NME3: variants seen among roughly 807,000 people sequenced by gnomAD.
NME3 encodes NME/NM23 nucleoside diphosphate kinase 3, also known as nucleoside diphosphate kinase C.
NME3 carries 23 observed loss-of-function variants against 15.8 expected under a neutral mutation model. That is an observed-to-expected ratio of 1.45 (90% confidence interval 1.05 to 2.06). NME3 has a LOEUF of 2.06. Ranked by LOEUF, NME3 falls within the 30% of genes most tolerant of loss-of-function variation. The probability of loss-of-function intolerance (pLI) is 0.00; values close to 1 mark genes in which losing one functional copy is unlikely to be tolerated. For missense variants in NME3, 354 were observed against 243.2 expected, an observed-to-expected ratio of 1.46 and a Z score of -3.03; for synonymous variants, 157 against 104.4, an observed-to-expected ratio of 1.50 and a Z score of -3.07.
At chr16:1,771,223 A>G in intron 2 of NME3, 52 bp from the exon 3 acceptor site, 2 of 1,562,754 alleles carry the variant, frequency 1.3e-6, no homozygotes, top group Non-Finnish European at 1.7e-6. Context: ...AGGCGTCCCC[A>G]GGTCCCCGCT....
rs1001188624 is a variant in NME3 at position 1,770,889 on chromosome 16, C to T, written c.384G>A (p.Glu128=). ...PGTIRGDFCI[E]VGKNLIHGSD... ...CCCGGGGCGGGCCTTACTTGCCAAC[C>T]TCGATGCAGAAATCCCCGCGGATGG... Residue 128 remains glutamate (E), a synonymous_variant, in exon 4 of 5, where the codon GAG becomes GAA. Coordinates refer to ENST00000219302, the MANE Select transcript of NME3 (RefSeq NM_002513.3). 6.3e-7 allele frequency: 1 copy of T among 1,577,280 alleles called. No homozygotes were observed. Among genetic ancestry groups the T allele is most frequent in the Non-Finnish European group, 8.6e-7 (1 of 1,157,752 alleles).
chr16:1,771,430 G>A lies in NME3; in HGVS notation c.47-20C>T. 2.0e-6 allele frequency: 3 copies of A among 1,516,180 alleles called. No individual in the cohort carries two copies. Among genetic ancestry groups the A allele is most frequent in the South Asian group, 1.2e-5 (1 of 80,004 alleles). The allele number at this position is 1,516,180 out of a possible 1,614,324, so 93.9% of individuals were successfully genotyped here. The stretch of plus-strand genomic sequence containing the variant: ...TGCAGGCTGCGGGGCAGGCGGGGAC[G>A]GGCCGTCAGGCCGGCCCAGCACCGG... On this transcript the variant is annotated intron_variant, in intron 1 of 4. Coordinates refer to ENST00000219302, the MANE Select transcript of NME3 (RefSeq NM_002513.3).
chr16:1,771,209 A>C (rs772568830), intron 2 of NME3, 38 bp from the exon 3 acceptor site: 5 of 1,575,764 alleles, frequency 3.2e-6, no homozygotes, highest in Non-Finnish European at 4.3e-6. Context: ...CGCACCCGGC[A>C]CCTAGGCGTC....
In NME3 at chr16:1,771,084, GCCC is replaced by G; in HGVS notation, c.262_264del (p.Gly88del). On this transcript the variant is annotated inframe_deletion, in exon 3 of 5. Coordinates refer to ENST00000219302, the MANE Select transcript of NME3 (RefSeq NM_002513.3). Reference sequence around the variant, plus strand: ...CGGATACTCACCATGGCCACCACCGGCCCGGAGGCCATATACTTGACAAGGCGG... The same window carrying G: ...CGGATACTCACCATGGCCACCACCGGGGAGGCCATATACTTGACAAGGCGG... 3.1e-6 allele frequency: 5 copies of G among 1,608,684 alleles called. No individual in the cohort carries two copies. The highest frequency in any genetic ancestry group is 2.5e-6 in the Non-Finnish European group (3 of 1,178,028).
chr16:1,771,517 C>T lies in NME3; in HGVS notation c.18G>A (p.Leu6=). Residue 6 remains leucine (L), a synonymous_variant, in exon 1 of 5, where the codon CTG becomes CTA. Coordinates refer to ENST00000219302, the MANE Select transcript of NME3 (RefSeq NM_002513.3). ...CGGGGAAGAGGTTAGCGAAGATGGTCAGCACCAGGCAGATCATGATGGCGG... is the reference window on the plus strand; with the variant it reads ...CGGGGAAGAGGTTAGCGAAGATGGTTAGCACCAGGCAGATCATGATGGCGG... The part of the protein sequence containing the change: MICLV[L]TIFANLFPAA... 1 of 1,236,210 alleles carries T rather than the reference C, an allele frequency of 8.1e-7. No homozygotes were observed. Among genetic ancestry groups the T allele is most frequent in the Non-Finnish European group, 1.0e-6 (1 of 968,120 alleles). 76.6% of individuals were successfully genotyped at this position (1,236,210 alleles called of 1,614,324 possible).
In NME3 at chr16:1,770,834, A is replaced by AG. The variant is rs768987690; in HGVS notation, c.392+46dup. 5.1e-6 allele frequency: 8 copies of AG among 1,573,266 alleles called. No individual in the cohort carries two copies. In the South Asian group the frequency reaches 8.1e-5, roughly 16 times the overall value. On this transcript the variant is annotated intron_variant, in intron 4 of 4. Transcript: ENST00000219302. ...GGCACGGGTACCACGCAGGCTGAAC[A>AG]GGGGGAGGCCGGACGGGGCTGGGAC...
chr16:1,770,657 A>G lies in NME3; in HGVS notation c.502T>C (p.Tyr168His). Residue 168 changes from tyrosine to histidine, a missense_variant, in exon 5 of 5, where the codon TAT becomes CAT. Coordinates refer to ENST00000219302, the MANE Select transcript of NME3 (RefSeq NM_002513.3). ...CWEDSAGHWL[Y>H]E ...GACGCGCATCTGCCGGGCTACTCAT[A>G]CAGCCAGTGCCCAGCGCTGTCCTCC... 1.9e-6 allele frequency: 3 copies of G among 1,579,268 alleles called. No individual in the cohort carries two copies. The highest frequency in any genetic ancestry group is 2.6e-6 in the Non-Finnish European group (3 of 1,162,384).
At chr16:1,770,833 CAG>C (rs2042575397) in intron 4 of NME3, 46 bp downstream of exon 4, 7 of 1,573,118 alleles carry the variant, frequency 4.4e-6, no homozygotes, top group Middle Eastern at 3.4e-4. Context: ...GCAGGCTGAA[CAG>C]GGGGAGGCCG....
intron 2 of NME3, 26 bp downstream of exon 2, chr16:1,771,253 GC>G: frequency 6.5e-7 from 1 of 1,537,398 alleles, no homozygotes; most frequent in Non-Finnish European, 8.8e-7. Context: ...CCCACACCGC[GC>G]CCCCGCTCGC....
At chr16:1,770,835 G>C (rs116846338) in intron 4 of NME3, 46 bp downstream of exon 4, 34 of 1,571,780 alleles carry the variant, frequency 2.2e-5, no homozygotes, top group African/African-American at 5.4e-5. Context: ...AGGCTGAACA[G>C]GGGGAGGCCG....
In NME3 at chr16:1,770,946, TCCGATGAGCGCCC is replaced by T; in HGVS notation, c.314_326del (p.Arg105GlnfsTer25). 1 of 1,586,948 alleles carries T rather than the reference TCCGATGAGCGCCC, an allele frequency of 6.3e-7. No homozygotes were observed. Among genetic ancestry groups the T allele is most frequent in the Non-Finnish European group, 8.6e-7 (1 of 1,162,450 alleles). ...GCGGGGCGTCGGCCGGGTTCGTGGC[TCCGATGAGCGCCC>T]GCGAGGTGCGCACCACGTCCAGCCC... On this transcript the variant is annotated frameshift_variant, in exon 4 of 5. Coordinates refer to ENST00000219302, the MANE Select transcript of NME3 (RefSeq NM_002513.3). LOFTEE classifies it high-confidence loss of function.
chr16:1,771,061 G>A lies in NME3; in HGVS notation c.279+9C>T, dbSNP rs1306030331. The A allele has an allele frequency of 1.9e-6, 3 of 1,603,826 alleles. No homozygotes were observed. Among genetic ancestry groups the A allele is most frequent in the Non-Finnish European group, 2.6e-6 (3 of 1,174,754 alleles). ...CCCGGAGCCGCCCGCCCGCTTCCCGGATACTCACCATGGCCACCACCGGCC... is the reference window on the plus strand; with the variant it reads ...CCCGGAGCCGCCCGCCCGCTTCCCGAATACTCACCATGGCCACCACCGGCC... On this transcript the variant is annotated intron_variant, in intron 3 of 4. Transcript: ENST00000219302.
Position 1,770,777 on chromosome 16 carries a change from G to C in NME3, c.393-11C>G, listed in dbSNP as rs761154734. On this transcript the variant is annotated splice_polypyrimidine_tract_variant and intron_variant, in intron 4 of 4. Transcript: ENST00000219302. ...CCGTGAATCAGGTTCCTGCGCGGAA[G>C]AGGCGCGTGTGAGCGTGGGAAAGAG... 1.1e-5 allele frequency: 18 copies of C among 1,599,610 alleles called. No homozygotes were observed. The East Asian group carries it at 3.6e-4, about 32-fold the overall frequency.
At position 1,770,618 on chromosome 16, in the gene NME3, G is replaced by T. The variant is rs774015744; in HGVS notation, c.*31C>A. 2.0e-6 allele frequency: 3 copies of T among 1,522,104 alleles called. No homozygotes were observed. Among genetic ancestry groups the T allele is most frequent in the African/African-American group, 1.4e-5 (1 of 73,320 alleles). 94.3% of individuals were successfully genotyped at this position (1,522,104 alleles called of 1,614,324 possible). ...CCTGGGCCCTGGAGGAGGCTGGAGT[G>T]TGAGAGCCTCTGTGACGCGCATCTG... On this transcript the variant is annotated 3_prime_UTR_variant, in exon 5 of 5. Coordinates refer to ENST00000219302, the MANE Select transcript of NME3 (RefSeq NM_002513.3).
chr16:1,770,490 A>G lies in NME3; in HGVS notation c.*159T>C, dbSNP rs1458984703. The G allele has an allele frequency of 1.8e-6, 1 of 545,844 alleles. No homozygotes were observed. Among genetic ancestry groups the G allele is most frequent in the East Asian group, 3.2e-5 (1 of 31,180 alleles). The allele number at this position is 545,844 out of a possible 1,614,324, so 33.8% of individuals were successfully genotyped here. ...AAACCCTGTACGCCAGGGATTGGAG[A>G]GGCCTGCGCCACCCTCCATGCAACG... On this transcript the variant is annotated 3_prime_UTR_variant, in exon 5 of 5. Coordinates refer to ENST00000219302, the MANE Select transcript of NME3 (RefSeq NM_002513.3).
At position 1,770,815 on chromosome 16, in the gene NME3, G is replaced by T. The variant is rs370175749; in HGVS notation, c.393-49C>A. 2.0e-5 allele frequency: 32 copies of T among 1,581,384 alleles called. No homozygotes were observed. In the African/African-American group the frequency reaches 3.8e-4, roughly 19 times the overall value. ...GCGTGGGAAAGAGACCTCCGGCACGGGTACCACGCAGGCTGAACAGGGGGA... is the reference window on the plus strand; with the variant it reads ...GCGTGGGAAAGAGACCTCCGGCACGTGTACCACGCAGGCTGAACAGGGGGA... On this transcript the variant is annotated intron_variant, in intron 4 of 4. Coordinates refer to ENST00000219302, the MANE Select transcript of NME3 (RefSeq NM_002513.3).
At chr16:1,771,447 C>T (rs756908077) in intron 1 of NME3, 37 bp from the exon 2 acceptor site, 14 of 1,391,604 alleles carry the variant, frequency 1.0e-5, no homozygotes, top group African/African-American at 1.5e-5. Flanking sequence ...CAGGCCGGCC[C>T]AGCACCGGCC....
Position 1,771,082 on chromosome 16 carries a change from C to G in NME3, c.267G>C (p.Pro89=), listed in dbSNP as rs1596837603. Reference sequence around the variant, plus strand: ...CCCGGATACTCACCATGGCCACCACCGGCCCGGAGGCCATATACTTGACAA... The same window carrying G: ...CCCGGATACTCACCATGGCCACCACGGGCCCGGAGGCCATATACTTGACAA... ...GRLVKYMASG[P]VVAMVWQGLD... Residue 89 remains proline, a synonymous_variant, in exon 3 of 5, where the codon CCG becomes CCC. Transcript: ENST00000219302. 1 of 1,608,304 alleles carries G rather than the reference C, an allele frequency of 6.2e-7. No homozygotes were observed.
Position 1,771,527 on chromosome 16 carries a change from C to G in NME3, c.8G>C (p.Cys3Ser). The change falls in exon 1 of 5, where the codon TGC (cysteine) becomes TCC (serine). Residue 3 changes from cysteine to serine, a missense_variant. Physicochemically the swap from Cys to Ser is moderately radical, Grantham distance 112 (BLOSUM62 -1). Transcript: ENST00000219302. ...GTTAGCGAAGATGGTCAGCACCAGGCAGATCATGATGGCGGTGCGGGAGCG... is the reference window on the plus strand; with the variant it reads ...GTTAGCGAAGATGGTCAGCACCAGGGAGATCATGATGGCGGTGCGGGAGCG... MI[C>S]LVLTIFANLF... 8.3e-7 allele frequency: 1 copy of G among 1,209,956 alleles called. No individual in the cohort carries two copies. The highest frequency in any genetic ancestry group is 1.1e-6 in the Non-Finnish European group (1 of 945,434). 75.0% of individuals were successfully genotyped at this position (1,209,956 alleles called of 1,614,324 possible). A position where few individuals can be genotyped will look rare whatever the true frequency, so the allele number is the denominator to read the frequency against.
Sources: gnomAD v4.1 joint callset for allele counts on GRCh38, gnomAD v4.1.1 for gene constraint, MANE v1.5 for transcripts, NCBI Gene and HGNC (gene_info 2026-07-23, HGNC 2026-07-21) for gene names.